Variants in TEX36 observed in about 807,000 individuals in gnomAD.
TEX36 encodes testis expressed 36.
Under a neutral mutation model 13.6 loss-of-function variants are expected in TEX36, and 12 were observed. That is an observed-to-expected ratio of 0.88 (90% CI 0.56 to 1.43). The LOEUF (loss-of-function observed/expected upper bound fraction) is 1.43, where lower values mean the gene tolerates loss of function less well. TEX36 is among the 40% of genes most tolerant of loss of function. The pLI, the probability that TEX36 is intolerant of heterozygous loss-of-function variation, is 0.00. For missense variants in TEX36, 224 were observed against 228.3 expected, an observed-to-expected ratio of 0.98 and a Z score of 0.12; for synonymous variants, 93 against 83.0, an observed-to-expected ratio of 1.12 and a Z score of -0.65.
At chr10:125,680,658 C>G (rs1847379217) in intron 1 of TEX36, among the ~76,000 whole-genome samples, 1 of 152,234 alleles carries the variant, frequency 6.6e-6, no homozygotes. Flanking sequence ...CCCAAATGGG[C>G]TGCAGCTGAC....
intron 3 of TEX36, among the ~76,000 whole-genome samples, chr10:125,609,268 A>G (rs549896780): frequency 4.6e-4 from 70 of 152,086 alleles, no homozygotes; most frequent in Middle Eastern, 3.4e-3. Context: ...TGGTGGCCCT[A>G]TGTTTTGTTT....
chr10:125,579,552 C>T (rs1001052057), intron 3 of TEX36, among the ~76,000 whole-genome samples: 30 of 152,224 alleles, frequency 2.0e-4, no homozygotes. Flanking sequence ...TTCCTTCAAG[C>T]CCATCTTCTT....
intron 1 of TEX36, among the ~76,000 whole-genome samples, chr10:125,674,379 C>T (rs1032440097): frequency 1.3e-5 from 2 of 152,156 alleles, no homozygotes; most frequent in East Asian, 3.9e-4. Flanking sequence ...TCCTTTAGCT[C>T]AGTGAAGTTT....
intron 3 of TEX36, among the ~76,000 whole-genome samples, chr10:125,625,838 C>T (rs969116224): frequency 6.6e-6 from 1 of 152,210 alleles, no homozygotes; most frequent in African/African-American, 2.4e-5. Flanking sequence ...TATGTTTCTC[C>T]AAGCGATGCC....
chr10:125,580,353 G>C (rs1845868613), intron 3 of TEX36, among the ~76,000 whole-genome samples: 1 of 152,182 alleles, frequency 6.6e-6, no homozygotes, highest in Admixed American at 6.5e-5. Flanking sequence ...CTCTTTTGTG[G>C]TAGTACCCTT....
chr10:125,621,025 A>G (rs1589758492), downstream of TEX36, among the ~76,000 whole-genome samples: 1 of 152,154 alleles, frequency 6.6e-6, no homozygotes, highest in Non-Finnish European at 1.5e-5. Context: ...GTGTTCATTC[A>G]TCCATCAATG....
intron 3 of TEX36, 116 bp from the exon 4 acceptor site, chr10:125,656,312 A>G (rs886629256): frequency 4.4e-5 from 44 of 993,180 alleles, no homozygotes; most frequent in Non-Finnish European, 5.6e-5. Flanking sequence ...GCCAGAGTTC[A>G]GTGGCACGAT....
chr10:125,661,061 T>C lies in TEX36; in HGVS notation c.224A>G (p.Asn75Ser), dbSNP rs1847028572. The C allele has an allele frequency of 2.6e-6, 4 of 1,551,824 alleles. No individual in the cohort carries two copies. Among genetic ancestry groups the C allele is most frequent in the Non-Finnish European group, 3.5e-6 (4 of 1,146,962 alleles). ...NNQFPFSVHD[N>S]RHSLENSGCY... ...TCCAGAGTTCTCCAAGCTGTGCCGA[T>C]TGTCATGCACGGAGAAGGGGAACTG... The change falls in exon 3 of 4, where the codon AAT becomes AGT. Residue 75 changes from asparagine (N) to serine (S), a missense_variant. Transcript: ENST00000368821.
chr10:125,611,051 T>G (rs1274584136), intron 3 of TEX36, among the ~76,000 whole-genome samples: 1 of 152,220 alleles, frequency 6.6e-6, no homozygotes, highest in African/African-American at 2.4e-5. Flanking sequence ...TCGTATATTG[T>G]GAACATTTTT....
intron 3 of TEX36, among the ~76,000 whole-genome samples, chr10:125,585,913 G>T (rs773695683): frequency 2.0e-5 from 3 of 152,188 alleles, no homozygotes; most frequent in Non-Finnish European, 4.4e-5. Flanking sequence ...CCCTAGCATG[G>T]AACCCTAGGA....
rs149575770 is a variant in TEX36, at chr10:125,664,515, G to A, written c.52-2538C>T. Among the ~76,000 whole-genome samples the A allele has an allele frequency of 6.0e-3, 916 of 152,274 alleles. 10 individuals are homozygous for A. Among genetic ancestry groups the A allele is most frequent in the African/African-American group, 0.021 (853 of 41,554 alleles). On this transcript the variant is annotated intron_variant, in intron 1 of 3. Transcript: ENST00000368821. ...CCCCAAATGTCAGAAGAGGCGCCTG[G>A]TGGGAGGTGATTGGATCATGGGGGC...
At chr10:125,587,355 T>A (rs915892697) in intron 3 of TEX36, among the ~76,000 whole-genome samples, 2 of 152,178 alleles carry the variant, frequency 1.3e-5, no homozygotes, top group African/African-American at 4.8e-5. Flanking sequence ...TGTATTATCA[T>A]GTTTTAATTT....
intron 1 of TEX36, among the ~76,000 whole-genome samples, chr10:125,678,665 C>T (rs963161252): frequency 2.3e-4 from 35 of 151,918 alleles, no homozygotes; most frequent in African/African-American, 5.8e-4. Context: ...GCAGTGGTTG[C>T]GATGGGCTGG....
chr10:125,655,693 G>A, downstream of TEX36: 2 of 1,252,008 alleles, frequency 1.6e-6, no homozygotes, highest in South Asian at 3.3e-5. Context: ...CTCCCCAAAA[G>A]TAAATGTGGC....
intron 3 of TEX36, among the ~76,000 whole-genome samples, chr10:125,636,389 T>C (rs995864513): frequency 2.0e-5 from 3 of 150,826 alleles, no homozygotes; most frequent in East Asian, 3.9e-4. Flanking sequence ...TTTTTTTATA[T>C]ATTTTTAGTA....
Position 125,656,027 on chromosome 10 carries a change from C to A in TEX36, c.434G>T (p.Arg145Leu), listed in dbSNP as rs368838327. 1 of 1,551,880 alleles carries A rather than the reference C, an allele frequency of 6.4e-7. No individual in the cohort carries two copies. The highest frequency in any genetic ancestry group is 1.4e-5 in the African/African-American group (1 of 73,136). The change falls in exon 4 of 4, where the codon CGA becomes CTA. Residue 145 changes from arginine to leucine, a missense_variant. Transcript: ENST00000368821. ...MVVSSFRRFP[R>L]CYKEIWNAFT... ...AGCGTTCCATATCTCTTTATAGCAT[C>A]GTGGAAAGCGTCTGAAGCTTGAGAC...
chr10:125,621,523 A>C (rs904265747), downstream of TEX36: 4 of 432,962 alleles, frequency 9.2e-6, no homozygotes, highest in Admixed American at 7.5e-5. Context: ...TTCCACTTAT[A>C]TTAGTCAGGG....
chr10:125,667,300 C>G (rs1824302372), intron 1 of TEX36: 1 of 634,862 alleles, frequency 1.6e-6, no homozygotes, highest in African/African-American at 1.8e-5. Context: ...GTTGATCACT[C>G]AGAGCCTTGT....
At chr10:125,611,201 A>G (rs1000175793) in intron 3 of TEX36, among the ~76,000 whole-genome samples, 7 of 152,172 alleles carry the variant, frequency 4.6e-5, no homozygotes, top group Non-Finnish European at 7.3e-5. Context: ...CCTTCACGCA[A>G]TCTTTGTACA....
Sources: gnomAD v4.1 joint callset for allele counts (sites outside exome capture counted in the v4.1 genomes callset) on GRCh38, gnomAD v4.1.1 for gene constraint, MANE v1.5 for transcripts, NCBI Gene and HGNC (gene_info 2026-07-23, HGNC 2026-07-21) for gene names.